The following ACOT8 variants were observed in gnomAD, a reference collection of about 807,000 sequenced individuals.
ACOT8 encodes acyl-CoA thioesterase 8, also known as acyl-coenzyme A thioesterase 8.
ACOT8 carries 31 observed loss-of-function variants against 38.4 expected under a neutral mutation model. The ratio of observed to expected loss-of-function variants is 0.81; its 90% CI spans 0.61 to 1.09. ACOT8 has a LOEUF of 1.09. Ranked by LOEUF, ACOT8 falls within the 50% of genes least tolerant of loss-of-function variation. The pLI is 0.00. For synonymous variants in ACOT8, 158 were observed against 170.3 expected, an observed-to-expected ratio of 0.93 and a Z score of 0.56; for missense variants, 373 against 421.8, an observed-to-expected ratio of 0.88 and a Z score of 1.01.
At chr20:45,842,079 G>T (rs1568732882) in intron 5 of ACOT8, 123 bp from the exon 6 acceptor site, 3 of 1,539,430 alleles carry the variant, frequency 1.9e-6, no homozygotes, top group Non-Finnish European at 2.6e-6. Flanking sequence ...GGGTTCAAGG[G>T]ATCCTCCCGC....
chr20:45,855,892 T>C (rs551135846), intron 1 of ACOT8, among the ~76,000 whole-genome samples: 36 of 152,342 alleles, frequency 2.4e-4, no homozygotes, highest in African/African-American at 7.9e-4. Context: ...TGTAGGCCCA[T>C]TGGAAGCTGA....
intron 5 of ACOT8, chr20:45,842,553 C>T: frequency 1.0e-6 from 1 of 999,756 alleles, no homozygotes; most frequent in Non-Finnish European, 1.2e-6. Flanking sequence ...GAGGTCTGGC[C>T]TCTTCCCTCC....
At chr20:45,848,897 T>C (rs988127334) in intron 2 of ACOT8, 2 of 441,398 alleles carry the variant, frequency 4.5e-6, no homozygotes, top group Non-Finnish European at 8.0e-6. Flanking sequence ...AGCAGAGACA[T>C]TGACAGATTC....
At chr20:45,843,848 T>C in intron 4 of ACOT8, 127 bp from the exon 5 acceptor site, 1 of 1,469,294 alleles carries the variant, frequency 6.8e-7, no homozygotes, top group East Asian at 2.5e-5. Context: ...GCGCTTGGCC[T>C]ACAGTGTGTG....
At chr20:45,847,942 A>T (rs1454213618) in intron 3 of ACOT8, 1 of 151,166 alleles carries the variant, frequency 6.6e-6, no homozygotes, top group East Asian at 2.0e-4. Flanking sequence ...ACACCCGGCT[A>T]ATTTTTGTAT....
intron 4 of ACOT8, 99 bp downstream of exon 4, chr20:45,844,164 C>T (rs1165784171): frequency 6.6e-7 from 1 of 1,520,226 alleles, no homozygotes; most frequent in South Asian, 1.1e-5. Flanking sequence ...GATAAGGAAA[C>T]AGGCCCAGAG....
At chr20:45,845,724 C>T (rs1478301762) in intron 3 of ACOT8, among the ~76,000 whole-genome samples, 2 of 152,214 alleles carry the variant, frequency 1.3e-5, no homozygotes, top group Non-Finnish European at 2.9e-5. Context: ...GAATGCCTAT[C>T]TGCACAGCAC....
intron 1 of ACOT8, 145 bp downstream of exon 1, chr20:45,857,043 G>T: frequency 1.0e-6 from 1 of 956,226 alleles, no homozygotes; most frequent in Non-Finnish European, 1.5e-6. Flanking sequence ...CAGCTCTGTT[G>T]GGGGCGAGTT....
At chr20:45,844,096 C>T in intron 4 of ACOT8, 167 bp downstream of exon 4, 1 of 993,616 alleles carries the variant, frequency 1.0e-6, no homozygotes, top group Non-Finnish European at 1.5e-6. Context: ...CACCTTCTCC[C>T]CATGCAAAGG....
In ACOT8 at chr20:45,857,274, GCCACAGC is replaced by G. The variant is rs1601107014; in HGVS notation, c.35_41del (p.Gly12AlafsTer58). 1.2e-6 allele frequency: 2 copies of G among 1,612,346 alleles called. No homozygotes were observed. The highest frequency in any genetic ancestry group is 1.7e-6 in the Non-Finnish European group (2 of 1,179,510). ...GGTCCCCAGGGGGATCGCCGCGGTC[GCCACAGC>G]CCTGCCCATCTTCTGGGGCCTGCGG... On this transcript the variant is annotated frameshift_variant, in exon 1 of 6. Transcript: ENST00000217455. LOFTEE classifies it high-confidence loss of function.
At chr20:45,848,250 C>T (rs1984815995) in intron 3 of ACOT8, among the ~76,000 whole-genome samples, 200 bp downstream of exon 3, 1 of 152,118 alleles carries the variant, frequency 6.6e-6, no homozygotes, top group Non-Finnish European at 1.5e-5. Flanking sequence ...CAGACACACA[C>T]CAGAAACACA....
chr20:45,857,309 A>T lies in ACOT8; in HGVS notation c.7T>A (p.Ser3Thr). 1.2e-5 allele frequency: 20 copies of T among 1,603,916 alleles called. No individual in the cohort carries two copies. Among genetic ancestry groups the T allele is most frequent in the Non-Finnish European group, 1.7e-5 (20 of 1,176,052 alleles). Residue 3 changes from serine (S) to threonine (T), a missense_variant, in exon 1 of 6, where the codon TCC becomes ACC. Coordinates refer to ENST00000217455, the MANE Select transcript of ACOT8 (RefSeq NM_005469.4). ...TGCCCATCTTCTGGGGCCTGCGGGG[A>T]CGACATCTAGTTCAATGCTGCAGGC... MSSPQAPEDGQGC... is the reference protein window; with the variant it reads MSTPQAPEDGQGC...
At chr20:45,856,292 G>A (rs1454232368) in intron 1 of ACOT8, among the ~76,000 whole-genome samples, 1 of 151,914 alleles carries the variant, frequency 6.6e-6, no homozygotes, top group Non-Finnish European at 1.5e-5. Context: ...AGCCCTCCAA[G>A]AAGTTATTTA....
Position 45,857,307 on chromosome 20 carries a change from G to A in ACOT8, c.9C>T (p.Ser3=). The change falls in exon 1 of 6, where the codon TCC becomes TCT. Residue 3 remains serine (S), a synonymous_variant. Transcript: ENST00000217455. MS[S]PQAPEDGQGC... ...CCTGCCCATCTTCTGGGGCCTGCGG[G>A]GACGACATCTAGTTCAATGCTGCAG... is the stretch of plus-strand genomic sequence containing the variant. 4 of 1,605,388 alleles carry A rather than the reference G, an allele frequency of 2.5e-6. No individual in the cohort carries two copies. Among genetic ancestry groups the A allele is most frequent in the Non-Finnish European group, 3.4e-6 (4 of 1,176,538 alleles).
At chr20:45,843,447 C>A in intron 5 of ACOT8, 80 bp downstream of exon 5, 3 of 1,525,004 alleles carry the variant, frequency 2.0e-6, no homozygotes, top group Non-Finnish European at 2.7e-6. Context: ...CACAGGAAGT[C>A]GGGAAATCAG....
At chr20:45,848,193 C>T (rs945142790) in intron 3 of ACOT8, among the ~76,000 whole-genome samples, 8 of 152,124 alleles carry the variant, frequency 5.3e-5, no homozygotes, top group South Asian at 4.1e-4. Context: ...TATAGGTATG[C>T]GCCACTGCAC....
intron 2 of ACOT8, among the ~76,000 whole-genome samples, chr20:45,852,986 C>G (rs1471655386): frequency 6.6e-6 from 1 of 152,176 alleles, no homozygotes; most frequent in Non-Finnish European, 1.5e-5. Flanking sequence ...CCAGGCTGGT[C>G]TCGAACTCCT....
At chr20:45,853,492 G>C (rs986229886) in intron 2 of ACOT8, 3 of 154,676 alleles carry the variant, frequency 1.9e-5, no homozygotes, top group Admixed American at 1.9e-4. Flanking sequence ...TGGAAAACTA[G>C]ATTATGCCAA....
At chr20:45,843,978 A>G in intron 4 of ACOT8, 1 of 802,394 alleles carries the variant, frequency 1.2e-6, no homozygotes, top group South Asian at 1.8e-5. Context: ...GTCTTCTTCC[A>G]ATTTGCACAA....
Sources: allele counts gnomAD v4.1 joint callset (sites outside exome capture counted in the v4.1 genomes callset), GRCh38; gene constraint gnomAD v4.1.1; transcripts MANE v1.5; gene names NCBI Gene and HGNC (gene_info 2026-07-23, HGNC 2026-07-21).